Variants in TRPV3 observed in about 807,000 individuals in gnomAD.
TRPV3 encodes the protein VRL-3.
In TRPV3, 88 loss-of-function variants were observed where a neutral mutation model predicts 87.1. The observed-to-expected ratio is 1.01, with a 90% CI of 0.85 to 1.21. The LOEUF is 1.21. TRPV3 is among the 50% of genes most tolerant of loss of function. The pLI is 0.00. For missense variants in TRPV3, 1,054 were observed against 1,030.1 expected (o/e 1.02, Z -0.32); for synonymous variants, 438 against 423.3 (o/e 1.03, Z -0.43).
rs2074317351 is a variant in TRPV3 at position 3,528,179 on chromosome 17, G to A, written c.1402-53C>T. 6.9e-7 allele frequency: 1 copy of A among 1,447,646 alleles called. No individual in the cohort carries two copies. The highest frequency in any genetic ancestry group is 9.5e-7 in the Non-Finnish European group (1 of 1,053,822). The allele number at this position is 1,447,646 out of a possible 1,614,324, so 89.7% of individuals were successfully genotyped here. A position where few individuals can be genotyped will look rare whatever the true frequency, so the allele number is the denominator to read the frequency against. ...TATAGGAAGCAAGGAGGACAGGGCT[G>A]GCACCAACTCTAGAGGGACCAAAAC... On this transcript the variant is annotated intron_variant, in intron 10 of 17. Coordinates refer to ENST00000576742, the MANE Select transcript of TRPV3 (RefSeq NM_145068.4). The surrounding 1 kb of genome is among the most constrained non-coding windows in gnomAD (Gnocchi z 4.2).
chr17:3,527,476 C>T (rs2074309928), intron 11 of TRPV3, among the ~76,000 whole-genome samples: 1 of 152,154 alleles, frequency 6.6e-6, no homozygotes, highest in South Asian at 2.1e-4. Flanking sequence ...GCTATGTCCC[C>T]AACCAGGCTG....
chr17:3,526,649 C>T (rs755326131), intron 12 of TRPV3, among the ~76,000 whole-genome samples: 1 of 152,194 alleles, frequency 6.6e-6, no homozygotes, highest in Non-Finnish European at 1.5e-5. Context: ...GGCCCCACAG[C>T]CCTGAAGTTT....
At chr17:3,550,468 C>T (rs1183369885) in intron 2 of TRPV3, among the ~76,000 whole-genome samples, 5 of 151,226 alleles carry the variant, frequency 3.3e-5, no homozygotes, top group African/African-American at 4.9e-5. Flanking sequence ...CTGGGCTACC[C>T]GGCTGCTTGC....
chr17:3,525,967 T>C (rs540552829), intron 12 of TRPV3, among the ~76,000 whole-genome samples: 89 of 152,230 alleles, frequency 5.8e-4, no homozygotes, highest in Admixed American at 1.5e-3. Flanking sequence ...AAAATCAATA[T>C]CTACTCCTAC....
intron 12 of TRPV3, among the ~76,000 whole-genome samples, chr17:3,525,922 A>G (rs2074295911): frequency 2.0e-5 from 3 of 152,214 alleles, no homozygotes; most frequent in Admixed American, 2.0e-4. Context: ...GCCCACAGTT[A>G]AAATGTTTTT....
In TRPV3 at chr17:3,524,234, G is replaced by A. The variant is rs578046649; in HGVS notation, c.1707C>T (p.Phe569=). ...TGACGCTGTACATGCCCATGGACTGGAAACCCCGCGTATAGTAGAGCATGT... is the reference window on the plus strand; with the variant it reads ...TGACGCTGTACATGCCCATGGACTGAAAACCCCGCGTATAGTAGAGCATGT... ...WANMLYYTRG[F]QSMGMYSVMI... Residue 569 remains phenylalanine, a synonymous_variant, in exon 13 of 18, where the codon TTC becomes TTT. Transcript: ENST00000576742. 1.9e-6 allele frequency: 3 copies of A among 1,614,240 alleles called. No homozygotes were observed. The highest frequency in any genetic ancestry group is 2.2e-5 in the South Asian group (2 of 91,088).
At chr17:3,546,805 CTAAACATACAAAAT>C in intron 2 of TRPV3, 1 of 375,642 alleles carries the variant, frequency 2.7e-6, no homozygotes, top group Non-Finnish European at 5.5e-6. Flanking sequence ...CCTGTGTCTA[CTAAACATACAAAAT>C]TAGCTGGGTG....
intron 16 of TRPV3, 69 bp downstream of exon 16, chr17:3,516,388 C>T (rs980938833): frequency 4.1e-6 from 5 of 1,213,426 alleles, no homozygotes; most frequent in South Asian, 2.4e-5. Context: ...CTCTAACATC[C>T]TGTCACCATC....
At chr17:3,552,574 AG>A (rs2074588145) in intron 2 of TRPV3, 1 of 152,172 alleles carries the variant, frequency 6.6e-6, no homozygotes, top group South Asian at 2.1e-4. Context: ...CCTTCACATG[AG>A]GGTCCTCAGA....
Position 3,528,271 on chromosome 17 carries a change from A to G in TRPV3, c.1402-145T>C. The G allele has an allele frequency of 1.6e-6, 1 of 613,984 alleles. No homozygotes were observed. Among genetic ancestry groups the G allele is most frequent in the Non-Finnish European group, 2.8e-6 (1 of 354,276 alleles). The allele number at this position is 613,984 out of a possible 1,614,324, so 38.0% of individuals were successfully genotyped here. A position where few individuals can be genotyped will look rare whatever the true frequency, so the allele number is the denominator to read the frequency against. ...CCTGATCTCTGTACAGGGCAAGAGAAGGAAGAGCAGCTCCCTGACCCCAAC... is the reference window on the plus strand; with the variant it reads ...CCTGATCTCTGTACAGGGCAAGAGAGGGAAGAGCAGCTCCCTGACCCCAAC... On this transcript the variant is annotated intron_variant, in intron 10 of 17. Transcript: ENST00000576742. The surrounding 1 kb of genome is among the most constrained non-coding windows in gnomAD (Gnocchi z 4.2).
intron 7 of TRPV3, 40 bp downstream of exon 7, chr17:3,535,533 C>T (rs2074400951): frequency 6.5e-7 from 1 of 1,535,794 alleles, no homozygotes; most frequent in South Asian, 1.2e-5. Context: ...CTCCCTCCTC[C>T]CTCCTCCCAG....
intron 8 of TRPV3, among the ~76,000 whole-genome samples, chr17:3,532,067 G>A (rs455096): frequency 0.35 from 52,699 of 152,086 alleles, 11,477 homozygotes; most frequent in Non-Finnish European, 0.48. Context: ...CTCAGACCAA[G>A]CCATGACACC....
chr17:3,540,972 C>CA (rs1447716401), intron 6 of TRPV3, among the ~76,000 whole-genome samples: 1 of 152,216 alleles, frequency 6.6e-6, no homozygotes, highest in African/African-American at 2.4e-5. Context: ...TTATATATAA[C>CA]AAAAATGCTT....
chr17:3,531,325 C>CAG (rs2074347550), intron 8 of TRPV3, among the ~76,000 whole-genome samples: 1 of 152,152 alleles, frequency 6.6e-6, no homozygotes, highest in South Asian at 2.1e-4. Flanking sequence ...AGGACAGTGT[C>CAG]AGAGACCTGG....
chr17:3,523,755 C>T (rs918173687), intron 13 of TRPV3, among the ~76,000 whole-genome samples: 16 of 150,102 alleles, frequency 1.1e-4, no homozygotes, highest in African/African-American at 3.7e-4. Context: ...TATTCTGAGA[C>T]TCAACTGGCT....
chr17:3,524,015 CT>C (rs1361918256), intron 13 of TRPV3, among the ~76,000 whole-genome samples, 182 bp downstream of exon 13: 20 of 152,280 alleles, frequency 1.3e-4, no homozygotes, highest in Admixed American at 5.2e-4. Context: ...CCCCACAAGC[CT>C]GGGGGATTTA....
chr17:3,531,549 G>A (rs371066462), intron 8 of TRPV3, among the ~76,000 whole-genome samples: 10 of 152,294 alleles, frequency 6.6e-5, no homozygotes, highest in South Asian at 2.1e-4. Context: ...CGGCCACAGC[G>A]GGCACACTGT....
intron 11 of TRPV3, among the ~76,000 whole-genome samples, 181 bp from the exon 12 acceptor site, chr17:3,527,108 G>A (rs1187447470): frequency 1.3e-5 from 2 of 152,112 alleles, no homozygotes; most frequent in Non-Finnish European, 2.9e-5. Flanking sequence ...CACCTCCACG[G>A]TGAAGGTGAA....
chr17:3,540,275 C>G (rs1329899158), intron 6 of TRPV3, among the ~76,000 whole-genome samples: 1 of 152,066 alleles, frequency 6.6e-6, no homozygotes, highest in Admixed American at 6.6e-5. Context: ...TGGAGCCCCT[C>G]TGCTCCGGGT....
Sources: allele counts gnomAD v4.1 joint callset (sites outside exome capture counted in the v4.1 genomes callset), GRCh38; gene constraint gnomAD v4.1.1; non-coding constraint Gnocchi (gnomAD v3.1); transcripts MANE v1.5; gene names NCBI Gene and HGNC (gene_info 2026-07-23, HGNC 2026-07-21).